Variants in PVT1 observed in about 807,000 individuals in gnomAD.
PVT1 encodes the protein Pvt1 oncogene.
intron 3 of PVT1, among the ~76,000 whole-genome samples, chr8:127,901,050 G>A (rs1340577193): frequency 6.6e-6 from 1 of 152,228 alleles, no homozygotes; most frequent in Non-Finnish European, 1.5e-5. Flanking sequence ...AAAGAACAAA[G>A]AAATAGGGGC....
chr8:127,959,519 A>G (rs1446204668), intron 3 of PVT1, among the ~76,000 whole-genome samples: 2 of 138,710 alleles, frequency 1.4e-5, no homozygotes, highest in African/African-American at 2.7e-5. Context: ...CGGGAGGCAG[A>G]GGTTGCAGTT....
chr8:127,857,801 C>G (rs1167729414), intron 2 of PVT1, among the ~76,000 whole-genome samples: 1 of 152,222 alleles, frequency 6.6e-6, no homozygotes, highest in Non-Finnish European at 1.5e-5. Flanking sequence ...TTGCCTGGCA[C>G]TTGGGAGAAG....
intron 3 of PVT1, among the ~76,000 whole-genome samples, chr8:127,928,657 G>A (rs1035027180): frequency 1.3e-5 from 2 of 152,238 alleles, no homozygotes; most frequent in African/African-American, 4.8e-5. Context: ...TAAGGGGGTG[G>A]CAACTGGTTG....
intron 2 of PVT1, among the ~76,000 whole-genome samples, chr8:127,818,776 A>G (rs1239727381): frequency 1.3e-5 from 2 of 152,170 alleles, no homozygotes; most frequent in Non-Finnish European, 2.9e-5. Context: ...AGTGGTACTC[A>G]CTAGATCCTT....
intron 2 of PVT1, among the ~76,000 whole-genome samples, chr8:127,797,243 G>A (rs570824147): frequency 1.3e-5 from 2 of 152,304 alleles, no homozygotes; most frequent in South Asian, 4.1e-4. Flanking sequence ...GATTGGTCAA[G>A]CTGGTCTCGA....
intron 3 of PVT1, among the ~76,000 whole-genome samples, chr8:127,975,527 C>A (rs1390870070): frequency 2.6e-5 from 4 of 152,160 alleles, no homozygotes; most frequent in Non-Finnish European, 4.4e-5. Context: ...TGCAACGCAG[C>A]CTTGACTTAA....
chr8:127,960,069 T>A (rs1479785208), intron 3 of PVT1, among the ~76,000 whole-genome samples: 1 of 152,210 alleles, frequency 6.6e-6, no homozygotes, highest in Non-Finnish European at 1.5e-5. Context: ...ATGACATGAT[T>A]TCTGGAAATT....
At chr8:127,921,134 A>G (rs1292113754) in intron 3 of PVT1, among the ~76,000 whole-genome samples, 1 of 152,178 alleles carries the variant, frequency 6.6e-6, no homozygotes, top group African/African-American at 2.4e-5. Context: ...TACCAGCTGC[A>G]GGGTTTCCTG....
intron 3 of PVT1, among the ~76,000 whole-genome samples, chr8:127,979,504 A>T (rs1298923700): frequency 6.6e-6 from 1 of 152,218 alleles, no homozygotes; most frequent in Non-Finnish European, 1.5e-5. Flanking sequence ...AGACGCTAAG[A>T]TGTAGATTAG....
intron 3 of PVT1, among the ~76,000 whole-genome samples, chr8:127,927,793 C>G (rs1402491155): frequency 6.6e-6 from 1 of 152,232 alleles, no homozygotes; most frequent in Non-Finnish European, 1.5e-5. Flanking sequence ...GGTGCTCTGT[C>G]AGCAGTGACT....
At chr8:127,844,217 A>C (rs747553087) in intron 2 of PVT1, among the ~76,000 whole-genome samples, 6 of 152,034 alleles carry the variant, frequency 3.9e-5, no homozygotes, top group Non-Finnish European at 5.9e-5. Context: ...ATCTCCTGGC[A>C]TGTCTACATT....
intron 4 of PVT1, among the ~76,000 whole-genome samples, chr8:128,066,720 T>C (rs6995797): frequency 0.031 from 4,712 of 152,286 alleles, 228 homozygotes; most frequent in African/African-American, 0.11. Context: ...CATGCCTGTC[T>C]TCCTACTTTA....
At chr8:128,047,501 C>T (rs908830234) in intron 4 of PVT1, among the ~76,000 whole-genome samples, 9 of 152,226 alleles carry the variant, frequency 5.9e-5, no homozygotes, top group South Asian at 2.1e-4. Context: ...AGGATGGGCG[C>T]GTGGGAGCCA....
At chr8:127,951,894 C>T (rs1043006009) in intron 3 of PVT1, among the ~76,000 whole-genome samples, 1 of 151,582 alleles carries the variant, frequency 6.6e-6, no homozygotes, top group African/African-American at 2.4e-5. Context: ...CGGCTTACTG[C>T]AACCTCCAAC....
At chr8:127,954,328 C>G (rs1410574892) in intron 3 of PVT1, among the ~76,000 whole-genome samples, 1 of 139,734 alleles carries the variant, frequency 7.2e-6, no homozygotes, top group African/African-American at 2.7e-5. Context: ...GACAGTCTCA[C>G]TCTGTCACCA....
At chr8:127,999,146 G>A (rs1163627983) in intron 4 of PVT1, 1 of 151,978 alleles carries the variant, frequency 6.6e-6, no homozygotes, top group African/African-American at 2.4e-5. Context: ...TACCTGGCAG[G>A]GGAGATACCA....
At chr8:127,890,798 C>G (rs1209742464) in exon 3 of PVT1, 1 of 152,262 alleles carries the variant, frequency 6.6e-6, no homozygotes, top group South Asian at 2.1e-4. Flanking sequence ...TTAAGGGAGG[C>G]TGTGGCTGAA....
At chr8:128,038,103 G>T (rs1374379872) in intron 4 of PVT1, among the ~76,000 whole-genome samples, 1 of 152,202 alleles carries the variant, frequency 6.6e-6, no homozygotes, top group Non-Finnish European at 1.5e-5. Context: ...GACAACCGTG[G>T]TCTTATTGGA....
intron 3 of PVT1, among the ~76,000 whole-genome samples, chr8:127,959,620 C>T (rs1816614932): frequency 6.6e-6 from 1 of 150,692 alleles, no homozygotes. Flanking sequence ...AGACCCAGTG[C>T]CTACCCTTAA....
Sources: allele counts gnomAD v4.1 joint callset (sites outside exome capture counted in the v4.1 genomes callset), GRCh38; gene constraint gnomAD v4.1.1; transcripts MANE v1.5; gene names NCBI Gene and HGNC (gene_info 2026-07-23, HGNC 2026-07-21).